MVD: variants seen among roughly 807,000 people sequenced by gnomAD.
MVD encodes the protein mevalonate diphosphate decarboxylase.
Under a neutral mutation model 42.4 loss-of-function variants are expected in MVD, and 52 were observed. The observed-to-expected ratio is 1.23, with a 90% CI of 0.98 to 1.55. The LOEUF (loss-of-function observed/expected upper bound fraction) is 1.55, where lower values mean the gene tolerates loss of function less well. Among genes scored for constraint, MVD ranks in the 40% most tolerant of loss-of-function variants. The probability of loss-of-function intolerance (pLI) is 0.00; values close to 1 mark genes in which losing one functional copy is unlikely to be tolerated. For synonymous variants in MVD, 287 were observed against 243.2 expected, an observed-to-expected ratio of 1.18 and a Z score of -1.68; for missense variants, 663 against 572.1, an observed-to-expected ratio of 1.16 and a Z score of -1.62.
chr16:88,658,383 G>A (rs1340696668), intron 2 of MVD, among the ~76,000 whole-genome samples: 1 of 152,162 alleles, frequency 6.6e-6, no homozygotes, highest in Admixed American at 6.5e-5. Flanking sequence ...TGCTGGCTGG[G>A]AGTCGTCGCT....
chr16:88,653,271 C>T (rs372004990), intron 9 of MVD, 29 bp downstream of exon 9: 348 of 1,568,336 alleles, frequency 2.2e-4, no homozygotes, highest in South Asian at 7.7e-4. Context: ...AAGGAAACCC[C>T]GGGGTACTGG....
In MVD at chr16:88,655,893, G is replaced by A. The variant is rs551444581; in HGVS notation, c.604-163C>T. On this transcript the variant is annotated intron_variant, in intron 5 of 9. Transcript: ENST00000301012. ...GCCTCCCGGCCACAGCAGGGGTGAC[G>A]CAGGGGCAACTTCCAGATCCCAGCG... The A allele has an allele frequency of 6.7e-5, 74 of 1,104,870 alleles. No homozygotes were observed. In the Middle Eastern group the frequency reaches 1.0e-3, roughly 15 times the overall value. The allele number at this position is 1,104,870 out of a possible 1,614,324, so 68.4% of individuals were successfully genotyped here.
At position 88,654,483 on chromosome 16, in the gene MVD, C is replaced by T. The variant is rs376642254; in HGVS notation, c.1013+209G>A. ...AGACCCTGGGCGTTGCTCACACACG[C>T]GTGAGCGGCCTCTCTTTCTTCCCTG... On this transcript the variant is annotated intron_variant, in intron 8 of 9. Coordinates refer to ENST00000301012, the MANE Select transcript of MVD (RefSeq NM_002461.3). Among the ~76,000 whole-genome samples the T allele has an allele frequency of 6.4e-4, 98 of 152,322 alleles. No homozygotes were observed. In the Middle Eastern group the frequency reaches 0.017, roughly 26 times the overall value.
rs1907862479 is a variant in MVD at position 88,655,601 on chromosome 16, A to C, written c.678+55T>G. 3 of 1,540,000 alleles carry C rather than the reference A, an allele frequency of 1.9e-6. No individual in the cohort carries two copies. The African/African-American group carries it at 4.1e-5, about 21-fold the overall frequency. Reference sequence around the variant, plus strand: ...GGGCCCAGACAGAGGCTGAGGGCAGAGCCGGGCACAAGCGTGACTCCCAGG... The same window carrying C: ...GGGCCCAGACAGAGGCTGAGGGCAGCGCCGGGCACAAGCGTGACTCCCAGG... On this transcript the variant is annotated intron_variant, in intron 6 of 9. Coordinates refer to ENST00000301012, the MANE Select transcript of MVD (RefSeq NM_002461.3).
Position 88,652,166 on chromosome 16 carries a change from TG to T in MVD, c.*358del. ...CACGGTGACCCCTTCCCTGGTCCGCTGGAGGGACCACCTCCCCACTGAGCTC... is the reference window on the plus strand; with the variant it reads ...CACGGTGACCCCTTCCCTGGTCCGCTGAGGGACCACCTCCCCACTGAGCTC... On this transcript the variant is annotated 3_prime_UTR_variant, in exon 10 of 10. Transcript: ENST00000301012. 2.6e-6 allele frequency: 1 copy of T among 389,094 alleles called. No homozygotes were observed. The highest frequency in any genetic ancestry group is 2.3e-5 in the South Asian group (1 of 42,892). The allele number at this position is 389,094 out of a possible 1,614,324, so 24.1% of individuals were successfully genotyped here. A position where few individuals can be genotyped will look rare whatever the true frequency, so the allele number is the denominator to read the frequency against.
chr16:88,655,169 C>A, intron 7 of MVD, 30 bp downstream of exon 7: 4 of 1,547,296 alleles, frequency 2.6e-6, no homozygotes, highest in Non-Finnish European at 3.5e-6. Context: ...ACAGCGCGAG[C>A]GCAGCCTCTG....
chr16:88,655,456 G>T, intron 6 of MVD, 39 bp from the exon 7 acceptor site: 3 of 1,539,260 alleles, frequency 1.9e-6, no homozygotes, highest in Non-Finnish European at 8.7e-7. Context: ...GCCGCTGGGG[G>T]TCTCGACAGC....
rs1907630938 is a variant in MVD at position 88,652,499 on chromosome 16, G to C, written c.*26C>G. On this transcript the variant is annotated 3_prime_UTR_variant, in exon 10 of 10. Transcript: ENST00000301012. ...TCCGGCGAGGCCACCCCTTCTCCAA[G>C]CGGCATGCGGTCCCTGCTGAGGCAG... 6.4e-7 allele frequency: 1 copy of C among 1,554,584 alleles called. No homozygotes were observed. The highest frequency in any genetic ancestry group is 8.7e-7 in the Non-Finnish European group (1 of 1,149,092).
At chr16:88,662,592 G>T (rs777500748) in intron 1 of MVD, 2 of 954,254 alleles carry the variant, frequency 2.1e-6, no homozygotes, top group African/African-American at 3.6e-5. Context: ...TCGGGCTGGG[G>T]GAGCAGTGGC....
intron 1 of MVD, 53 bp from the exon 2 acceptor site, chr16:88,658,773 CAG>C: frequency 2.1e-6 from 3 of 1,462,040 alleles, no homozygotes; most frequent in South Asian, 2.5e-5. Context: ...CACCCTCCCC[CAG>C]TGTTCCCCAC....
At chr16:88,655,038 ACAGAAGAACC>A in intron 7 of MVD, 151 bp downstream of exon 7, 1 of 1,002,908 alleles carries the variant, frequency 1.0e-6, no homozygotes, top group Non-Finnish European at 1.5e-6. Context: ...ACAAAATGAA[ACAGAAGAACC>A]CAGATGGTCA....
intron 9 of MVD, among the ~76,000 whole-genome samples, chr16:88,652,919 G>A (rs1340690790): frequency 6.6e-6 from 1 of 152,178 alleles, no homozygotes; most frequent in Non-Finnish European, 1.5e-5. Context: ...ATCACTGGAT[G>A]CAAGCTTGGC....
At chr16:88,660,445 G>C (rs1362437490) in intron 1 of MVD, 1 of 152,036 alleles carries the variant, frequency 6.6e-6, no homozygotes, top group Non-Finnish European at 1.5e-5. Context: ...AGGAGTTTAA[G>C]ACCAGCCTGG....
intron 4 of MVD, chr16:88,656,901 G>A (rs1263601331): frequency 1.7e-5 from 5 of 302,612 alleles, no homozygotes; most frequent in Non-Finnish European, 3.2e-5. Context: ...CCACCGGGGG[G>A]ACAGGCTCTG....
chr16:88,657,270 T>C, intron 4 of MVD, 166 bp downstream of exon 4: 2 of 961,006 alleles, frequency 2.1e-6, no homozygotes, highest in Non-Finnish European at 1.6e-6. Flanking sequence ...AATGTTCAGA[T>C]GTGCTCTGGG....
In MVD at chr16:88,656,094, A is replaced by G. The variant is rs531406410; in HGVS notation, c.603+11T>C. 2.4e-5 allele frequency: 38 copies of G among 1,571,280 alleles called. No individual in the cohort carries two copies. The South Asian group carries it at 4.0e-4, about 17-fold the overall frequency. On this transcript the variant is annotated intron_variant, in intron 5 of 9. Transcript: ENST00000301012. ...ACCGGGCTGCTGCTCCACCCGCCCC[A>G]CCCCACTCACCACAAGGATGAGCAC...
chr16:88,659,704 G>A (rs868498792), intron 1 of MVD, among the ~76,000 whole-genome samples: 31 of 152,248 alleles, frequency 2.0e-4, no homozygotes, highest in Admixed American at 2.0e-4. Context: ...GGTGGCTCAC[G>A]CCTGTAATCC....
intron 4 of MVD, chr16:88,656,604 C>T (rs1907945285): frequency 2.0e-6 from 1 of 508,228 alleles, no homozygotes; most frequent in Non-Finnish European, 3.6e-6. Flanking sequence ...GGAGAAAGGC[C>T]CCCGAGGACA....
In MVD at chr16:88,656,144, G is replaced by T. The variant is rs754867024; in HGVS notation, c.564C>A (p.Pro188=). 6.2e-7 allele frequency: 1 copy of T among 1,601,960 alleles called. No individual in the cohort carries two copies. The change falls in exon 5 of 10, where the codon CCC becomes CCA. Residue 188 remains proline (P), a synonymous_variant. Coordinates refer to ENST00000301012, the MANE Select transcript of MVD (RefSeq NM_002461.3). ...GKDSIARQVA[P]ESHWPELRVL... is the part of the protein sequence containing the mutation. The stretch of plus-strand genomic sequence containing the variant: ...CGCGGAGTTCAGGCCAGTGTGACTC[G>T]GGGGCCACTTGCCGAGCGATGCTGT...
Sources: allele counts gnomAD v4.1 joint callset (sites outside exome capture counted in the v4.1 genomes callset), GRCh38; gene constraint gnomAD v4.1.1; transcripts MANE v1.5; gene names NCBI Gene and HGNC (gene_info 2026-07-23, HGNC 2026-07-21).